The following ACYP2 variants were observed in gnomAD, a reference collection of about 807,000 sequenced individuals.
ACYP2 encodes the protein acylphosphatase 2.
A neutral mutation model predicts 11.2 loss-of-function variants in ACYP2; 12 were observed. The ratio of observed to expected loss-of-function variants is 1.08; its 90% CI spans 0.69 to 1.74. The LOEUF (loss-of-function observed/expected upper bound fraction) is 1.74, where lower values mean the gene tolerates loss of function less well. Ranked by LOEUF, ACYP2 falls within the 40% of genes most tolerant of loss-of-function variation. The pLI, the probability that ACYP2 is intolerant of heterozygous loss-of-function variation, is 0.00. For synonymous variants in ACYP2, 43 were observed against 32.2 expected (o/e 1.33, Z -1.13); for missense variants, 134 against 101.9 (o/e 1.31, Z -1.35).
intron 6 of ACYP2, among the ~76,000 whole-genome samples, chr2:54,158,352 A>AT (rs901349594): frequency 3.6e-4 from 54 of 150,504 alleles, no homozygotes; most frequent in African/African-American, 1.0e-3. Flanking sequence ...TGCTTTTCTT[A>AT]TTTTTTTTCC....
intron 6 of ACYP2, among the ~76,000 whole-genome samples, chr2:54,246,622 G>C (rs1279819113): frequency 6.6e-6 from 1 of 151,692 alleles, no homozygotes; most frequent in East Asian, 1.9e-4. Flanking sequence ...AATGTCATAG[G>C]GTTTTCTATA....
At chr2:54,219,905 A>ATATATATATATTTTT (rs1288814375) in intron 6 of ACYP2, among the ~76,000 whole-genome samples, 13 of 75,984 alleles carry the variant, frequency 1.7e-4, no homozygotes, top group Non-Finnish European at 2.4e-4. Flanking sequence ...ATATATATAT[A>ATATATATATATTTTT]TTTTTTTTTT....
intron 6 of ACYP2, among the ~76,000 whole-genome samples, chr2:54,244,791 G>A (rs1686878993): frequency 6.6e-6 from 1 of 151,798 alleles, no homozygotes; most frequent in African/African-American, 2.4e-5. Flanking sequence ...CATATTAATG[G>A]AGTACATAGT....
At chr2:54,193,314 C>G (rs1684315522) in intron 6 of ACYP2, among the ~76,000 whole-genome samples, 1 of 152,126 alleles carries the variant, frequency 6.6e-6, no homozygotes, top group African/African-American at 2.4e-5. Flanking sequence ...TCTTTATTAT[C>G]TCATTTAATT....
intron 6 of ACYP2, chr2:54,256,072 C>G (rs766831952): frequency 1.2e-6 from 2 of 1,614,038 alleles, no homozygotes; most frequent in Non-Finnish European, 1.7e-6. Flanking sequence ...GCTCTTTTCT[C>G]GGGACCTCTG....
chr2:54,227,654 G>C lies in ACYP2; in HGVS notation c.405-77034G>C, dbSNP rs567244255. ...AAAAAAAATATGCACACTAATTCTG[G>C]CTCTCCTGCTTTTGAAGGTATCACA... is the stretch of plus-strand genomic sequence containing the variant. On this transcript the variant is annotated intron_variant, in intron 6 of 6. Coordinates refer to ENST00000607452, the MANE Select transcript of ACYP2 (RefSeq NM_001320586.2). Among the ~76,000 whole-genome samples the C allele has an allele frequency of 1.4e-4, 22 of 152,058 alleles. No homozygotes were observed. The South Asian group carries it at 4.2e-3, about 29-fold the overall frequency.
At chr2:54,076,496 CTAAA>C (rs1677350082) in intron 4 of ACYP2, among the ~76,000 whole-genome samples, 1 of 152,018 alleles carries the variant, frequency 6.6e-6, no homozygotes, top group African/African-American at 2.4e-5. Context: ...CAGTCCCTAA[CTAAA>C]TAATCTACCC....
chr2:53,987,970 G>A (rs1035953275), intron 2 of ACYP2, among the ~76,000 whole-genome samples: 3 of 151,970 alleles, frequency 2.0e-5, no homozygotes, highest in African/African-American at 7.3e-5. Flanking sequence ...TCTGTAGTTT[G>A]TCTCTTAAAG....
At chr2:54,137,969 G>A (rs576105484) in intron 5 of ACYP2, among the ~76,000 whole-genome samples, 8 of 152,058 alleles carry the variant, frequency 5.3e-5, no homozygotes, top group South Asian at 2.1e-4. Flanking sequence ...TTTAATAATC[G>A]CCATTCTGAC....
chr2:54,059,807 G>A (rs1025997571), intron 4 of ACYP2, among the ~76,000 whole-genome samples: 2 of 152,214 alleles, frequency 1.3e-5, no homozygotes, highest in Non-Finnish European at 2.9e-5. Flanking sequence ...TACCTGCACA[G>A]TTGTTTGTTA....
intron 2 of ACYP2, among the ~76,000 whole-genome samples, chr2:54,012,940 C>G (rs1278780599): frequency 6.6e-6 from 1 of 152,176 alleles, no homozygotes; most frequent in Non-Finnish European, 1.5e-5. Flanking sequence ...CCCACTCTCC[C>G]TCTCCCTCTG....
rs879782791 is a variant in ACYP2 at position 54,115,908 on chromosome 2, G to A, written c.278-19545G>A. 9.2e-4 allele frequency: 969 copies of A among 1,050,826 alleles called. 3 individuals are homozygous for A. Among genetic ancestry groups the A allele is most frequent in the South Asian group, 2.1e-3 (116 of 55,074 alleles). 65.1% of individuals were successfully genotyped at this position (1,050,826 alleles called of 1,614,324 possible). On this transcript the variant is annotated intron_variant, in intron 4 of 6. Transcript: ENST00000607452. Reference sequence around the variant, plus strand: ...CACAGCAGCGGCGGCGGGGAGGGAGGCGAAACGCGCATGCGCCCGAGGACT... The same window carrying A: ...CACAGCAGCGGCGGCGGGGAGGGAGACGAAACGCGCATGCGCCCGAGGACT...
intron 2 of ACYP2, among the ~76,000 whole-genome samples, chr2:53,984,310 G>A (rs369576767): frequency 6.1e-4 from 93 of 152,262 alleles, no homozygotes; most frequent in African/African-American, 2.1e-3. Flanking sequence ...AGGCGAGGCA[G>A]CTTATGTCTG....
At chr2:54,104,990 T>C (rs141023360) in intron 4 of ACYP2, among the ~76,000 whole-genome samples, 124 of 152,356 alleles carry the variant, frequency 8.1e-4, no homozygotes, top group African/African-American at 2.8e-3. Context: ...CTTCGAAGCC[T>C]ACACAATTGT....
At chr2:54,265,096 A>G (rs926854245) in intron 6 of ACYP2, among the ~76,000 whole-genome samples, 2 of 152,210 alleles carry the variant, frequency 1.3e-5, no homozygotes, top group Non-Finnish European at 2.9e-5. Context: ...GAAAATTTGT[A>G]TAATAAAAAG....
At chr2:54,209,715 G>C (rs1190696805) in intron 6 of ACYP2, among the ~76,000 whole-genome samples, 1 of 152,096 alleles carries the variant, frequency 6.6e-6, no homozygotes, top group African/African-American at 2.4e-5. Context: ...TGTTAAAAAA[G>C]GGGTTCCTTT....
chr2:54,014,974 G>T (rs1227173179), intron 2 of ACYP2, among the ~76,000 whole-genome samples: 1 of 152,098 alleles, frequency 6.6e-6, no homozygotes, highest in Non-Finnish European at 1.5e-5. Flanking sequence ...TTATATTGTA[G>T]TAGATGCCTT....
chr2:54,025,971 G>T (rs1397710674), intron 2 of ACYP2, among the ~76,000 whole-genome samples: 1 of 152,158 alleles, frequency 6.6e-6, no homozygotes, highest in African/African-American at 2.4e-5. Flanking sequence ...ATAAAAATTA[G>T]CCAGGCGTGA....
At chr2:54,266,348 G>A (rs1466932833) in intron 6 of ACYP2, among the ~76,000 whole-genome samples, 1 of 152,064 alleles carries the variant, frequency 6.6e-6, no homozygotes, top group East Asian at 1.9e-4. Flanking sequence ...TTTGGGGTAG[G>A]GGACAGGAAA....
Sources: allele counts gnomAD v4.1 joint callset (sites outside exome capture counted in the v4.1 genomes callset), GRCh38; gene constraint gnomAD v4.1.1; transcripts MANE v1.5; gene names NCBI Gene and HGNC (gene_info 2026-07-23, HGNC 2026-07-21).